The following TJP1 variants were observed in gnomAD, a reference collection of about 807,000 sequenced individuals.
The protein encoded by TJP1 is tight junction protein 1.
TJP1 carries 43 observed loss-of-function variants against 194.2 expected under a neutral mutation model. The ratio of observed to expected loss-of-function variants is 0.22; its 90% confidence interval spans 0.17 to 0.29. TJP1 has a LOEUF of 0.29. Among genes scored for constraint, TJP1 ranks in the 10% least tolerant of loss-of-function variants. TJP1 has a pLI of 1.00. For missense variants in TJP1, 1,971 were observed against 2,185.7 expected (o/e 0.90, Z 1.96); for synonymous variants, 801 against 779.0 (o/e 1.03, Z -0.47).
At chr15:29,806,260 C>T (rs1180850409) in intron 1 of TJP1, among the ~76,000 whole-genome samples, 1 of 152,106 alleles carries the variant, frequency 6.6e-6, no homozygotes, top group Non-Finnish European at 1.5e-5. Context: ...TAAGATAACC[C>T]TGTGGACAAC....
intron 2 of TJP1, among the ~76,000 whole-genome samples, chr15:29,847,084 T>TA (rs1319234087): frequency 1.3e-5 from 2 of 152,158 alleles, no homozygotes; most frequent in Admixed American, 6.5e-5. Context: ...AAACGATACA[T>TA]AGTTTACTTT....
intron 2 of TJP1, among the ~76,000 whole-genome samples, chr15:29,871,127 T>C (rs1727658712): frequency 6.6e-6 from 1 of 152,176 alleles, no homozygotes; most frequent in South Asian, 2.1e-4. Context: ...AAGACGGCAC[T>C]GAACACTCAC....
chr15:29,838,971 T>C (rs1031787325), intron 2 of TJP1, among the ~76,000 whole-genome samples: 6 of 149,808 alleles, frequency 4.0e-5, no homozygotes, highest in Non-Finnish European at 7.4e-5. Context: ...ATCAGAATAG[T>C]AATCCACAGT....
At chr15:29,946,005 G>A (rs2055269022) in intron 2 of TJP1, among the ~76,000 whole-genome samples, 1 of 152,116 alleles carries the variant, frequency 6.6e-6, no homozygotes, top group African/African-American at 2.4e-5. Context: ...TGAAGAAAAG[G>A]CTTATTCCAG....
At chr15:29,854,188 T>C (rs1288338923) in intron 2 of TJP1, among the ~76,000 whole-genome samples, 1 of 152,164 alleles carries the variant, frequency 6.6e-6, no homozygotes, top group Non-Finnish European at 1.5e-5. Context: ...AAAAAACATC[T>C]AGCAGTACCA....
chr15:29,968,745 T>C (rs1456993544), exon 1 of TJP1: 5 of 1,231,350 alleles, frequency 4.1e-6, no homozygotes, highest in Admixed American at 5.2e-5. Flanking sequence ...CACCGTCAGG[T>C]ATTTCTGGTA....
intron 2 of TJP1, among the ~76,000 whole-genome samples, chr15:29,890,558 T>G (rs1478798005): frequency 1.3e-5 from 2 of 152,192 alleles, no homozygotes; most frequent in East Asian, 3.9e-4. Context: ...TTCTCGGTTT[T>G]CTGAAAAGAG....
intron 1 of TJP1, among the ~76,000 whole-genome samples, chr15:29,966,525 T>TA (rs1264738176): frequency 4.0e-5 from 6 of 150,908 alleles, no homozygotes; most frequent in East Asian, 1.9e-4. Flanking sequence ...AATAAATAAA[T>TA]AATAAATAAT....
At chr15:29,703,979 C>T (rs1238105976) in intron 27 of TJP1, among the ~76,000 whole-genome samples, 183 bp downstream of exon 27, 2 of 152,190 alleles carry the variant, frequency 1.3e-5, no homozygotes, top group East Asian at 3.8e-4. Context: ...AAGTCTTCTA[C>T]CTTTCCATAT....
rs567959031 is a variant in TJP1 at position 29,809,843 on chromosome 15, G to A, written c.28-9141C>T. ...CCTGGGCAACCAGGAGCGAAACTCC[G>A]TCTTAAAAAAAAAAAACCAAACACT... On this transcript the variant is annotated intron_variant, in intron 1 of 27. Coordinates refer to ENST00000614355, the MANE Select transcript of TJP1 (RefSeq NM_001330239.4). Among the ~76,000 whole-genome samples, 141 of 142,368 alleles carry A rather than the reference G, an allele frequency of 9.9e-4. 1 individual carries two copies. The highest frequency in any genetic ancestry group is 1.8e-3 in the Non-Finnish European group (113 of 62,118). 93.4% of individuals were successfully genotyped at this position (142,368 alleles called of 152,430 possible).
intron 1 of TJP1, among the ~76,000 whole-genome samples, chr15:29,818,848 A>C (rs550279461): frequency 1.3e-3 from 200 of 148,314 alleles, no homozygotes; most frequent in Middle Eastern, 3.8e-3. Context: ...ACGGAAGCTC[A>C]CTTTGTCGCC....
chr15:29,760,486 ATG>A (rs1472958786), intron 8 of TJP1, among the ~76,000 whole-genome samples: 2 of 151,832 alleles, frequency 1.3e-5, no homozygotes, highest in African/African-American at 4.8e-5. Flanking sequence ...AGCAATTCTC[ATG>A]TCTCAGCCTC....
chr15:29,753,690 T>C (rs1352931407), intron 8 of TJP1, among the ~76,000 whole-genome samples: 1 of 151,930 alleles, frequency 6.6e-6, no homozygotes, highest in Non-Finnish European at 1.5e-5. Flanking sequence ...TGCACATTGG[T>C]CACGGTGTAA....
intron 1 of TJP1, among the ~76,000 whole-genome samples, chr15:29,802,661 A>C (rs1332892353): frequency 6.6e-6 from 1 of 152,152 alleles, no homozygotes; most frequent in African/African-American, 2.4e-5. Flanking sequence ...TGAGTAAATC[A>C]GCTAAACATC....
chr15:29,721,807 G>T (rs2042945324), intron 18 of TJP1, among the ~76,000 whole-genome samples: 1 of 152,176 alleles, frequency 6.6e-6, no homozygotes. Flanking sequence ...CAGAGATGAA[G>T]AACTTACTGG....
chr15:29,777,178 T>C (rs1017161020), intron 2 of TJP1, among the ~76,000 whole-genome samples: 2 of 152,190 alleles, frequency 1.3e-5, no homozygotes. Flanking sequence ...GACACAGTTC[T>C]TACTGTTTCA....
intron 8 of TJP1, among the ~76,000 whole-genome samples, chr15:29,757,551 C>T (rs1420647670): frequency 6.6e-6 from 1 of 152,074 alleles, no homozygotes; most frequent in African/African-American, 2.4e-5. Context: ...ATTAAAACTC[C>T]ACAGTTACAG....
chr15:29,758,453 T>G (rs979683595), intron 8 of TJP1, among the ~76,000 whole-genome samples: 5 of 152,168 alleles, frequency 3.3e-5, no homozygotes, highest in Non-Finnish European at 5.9e-5. Context: ...CCTCCACTTT[T>G]AAGTTAAGGT....
At chr15:29,737,924 T>C (rs1355583221) in intron 10 of TJP1, among the ~76,000 whole-genome samples, 3 of 152,188 alleles carry the variant, frequency 2.0e-5, no homozygotes, top group East Asian at 3.8e-4. Context: ...AACTTTGCAG[T>C]TGGTGGAGTC....
Sources: allele counts gnomAD v4.1 joint callset (sites outside exome capture counted in the v4.1 genomes callset), GRCh38; gene constraint gnomAD v4.1.1; transcripts MANE v1.5; gene names NCBI Gene and HGNC (gene_info 2026-07-23, HGNC 2026-07-21).